The following TRIM2 variants were observed in gnomAD, a reference collection of about 807,000 sequenced individuals.
The protein encoded by TRIM2 is tripartite motif containing 2.
In TRIM2, 20 loss-of-function variants were observed where a neutral mutation model predicts 75.2. The ratio of observed to expected loss-of-function variants is 0.27; its 90% CI spans 0.19 to 0.39. The LOEUF is 0.39. Among genes scored for constraint, TRIM2 ranks in the 10% least tolerant of loss-of-function variants. The pLI, the probability that TRIM2 is intolerant of heterozygous loss-of-function variation, is 1.00. For synonymous variants in TRIM2, 373 were observed against 388.3 expected (o/e 0.96, Z 0.46); for missense variants, 660 against 990.8 (o/e 0.67, Z 4.48).
chr4:153,163,493 ATCTTTTT>A (rs1729955604), intron 1 of TRIM2, among the ~76,000 whole-genome samples: 2 of 80,882 alleles, frequency 2.5e-5, no homozygotes, highest in Admixed American at 2.6e-4. Flanking sequence ...CTAGATTTAC[ATCTTTTT>A]TTTTTTTTTT....
At chr4:153,257,363 C>T in intron 1 of TRIM2, 2 of 1,103,046 alleles carry the variant, frequency 1.8e-6, no homozygotes, top group Non-Finnish European at 2.2e-6. Flanking sequence ...TAATCCCTTG[C>T]CTGGTTTGCT....
rs1762563699 is a variant in TRIM2 at position 153,295,345 on chromosome 4, G to C, written c.819G>C (p.Gln273His). Residue 273 changes from glutamine to histidine, a missense_variant, in exon 6 of 12, where the codon CAG (glutamine) becomes CAC (histidine). Around this residue, in one of 2 missense-constraint regions of TRIM2, gnomAD observed 620 missense variants for 891.0 expected, o/e 0.70. Transcript: ENST00000338700. The surrounding 1 kb of genome is among the most constrained non-coding windows in gnomAD (Gnocchi z 7.2). ...VLQSQLDTLLQGQESIKSCSN... is the reference protein window; with the variant it reads ...VLQSQLDTLLHGQESIKSCSN... ...AGTCGCAGCTGGATACTCTGCTCCA[G>C]GGGCAGGAGAGCATTAAGAGCTGCA... The C allele has an allele frequency of 6.2e-7, 1 of 1,610,780 alleles. No homozygotes were observed. Among genetic ancestry groups the C allele is most frequent in the South Asian group, 1.1e-5 (1 of 90,498 alleles).
At chr4:153,208,624 G>A (rs994591278) in intron 1 of TRIM2, among the ~76,000 whole-genome samples, 1 of 151,958 alleles carries the variant, frequency 6.6e-6, no homozygotes, top group Non-Finnish European at 1.5e-5. Context: ...AGTGACCTTG[G>A]GCAAGTCACT....
chr4:153,246,249 A>G (rs1040465233), intron 1 of TRIM2, among the ~76,000 whole-genome samples: 3 of 152,154 alleles, frequency 2.0e-5, no homozygotes, highest in African/African-American at 7.2e-5. Flanking sequence ...AAAAAGTAAA[A>G]AGTATCTCTT....
Position 153,322,662 on chromosome 4 carries a change from A to G in TRIM2, c.1797A>G (p.Ser599=), listed in dbSNP as rs747232462. The change falls in exon 9 of 12, where the codon TCA becomes TCG. Residue 599 remains serine, a synonymous_variant. Transcript: ENST00000338700. The part of the protein sequence containing the change: ...SDGKFKTKIG[S]GKLMGPKGVS... ...GTTTCAAACAGACAAAAATTGGATC[A>G]GGAAAGCTGATGGGACCCAAAGGAG... 7.4e-6 allele frequency: 12 copies of G among 1,613,644 alleles called. No homozygotes were observed. The Admixed American group carries it at 1.3e-4, about 18-fold the overall frequency.
intron 1 of TRIM2, among the ~76,000 whole-genome samples, chr4:153,164,986 T>G (rs1393583770): frequency 2.0e-5 from 3 of 152,188 alleles, no homozygotes; most frequent in Admixed American, 2.0e-4. Context: ...GGGTTTATTG[T>G]TAGTCTTCTT....
intron 1 of TRIM2, among the ~76,000 whole-genome samples, chr4:153,171,327 T>TA (rs1244956567): frequency 6.6e-6 from 1 of 152,222 alleles, no homozygotes; most frequent in Non-Finnish European, 1.5e-5. Flanking sequence ...GACTCACACC[T>TA]GTAATCCCAG....
At chr4:153,257,516 A>AT in intron 1 of TRIM2, 1 of 1,279,000 alleles carries the variant, frequency 7.8e-7, no homozygotes, top group Non-Finnish European at 1.0e-6. Context: ...CATTTCCTCC[A>AT]TTTTTCTCTT....
At chr4:153,292,647 C>T (rs544457709) in intron 3 of TRIM2, among the ~76,000 whole-genome samples, 1 of 152,306 alleles carries the variant, frequency 6.6e-6, no homozygotes, top group East Asian at 1.9e-4. Context: ...TACACGAAAG[C>T]TCTTTTGGAG....
intron 1 of TRIM2, among the ~76,000 whole-genome samples, chr4:153,206,916 C>T (rs529458074): frequency 3.3e-5 from 5 of 152,066 alleles, no homozygotes; most frequent in African/African-American, 7.2e-5. Context: ...GGTCTTGCTC[C>T]GTCACCCAGG....
upstream of TRIM2, among the ~76,000 whole-genome samples, chr4:153,200,968 G>T (rs753899725): frequency 2.7e-5 from 4 of 150,720 alleles, no homozygotes; most frequent in Non-Finnish European, 5.9e-5. Context: ...GGTTTTTTGG[G>T]TTTTTTTTCT....
At chr4:153,284,606 A>G (rs879634964) in intron 3 of TRIM2, among the ~76,000 whole-genome samples, 3 of 152,158 alleles carry the variant, frequency 2.0e-5, no homozygotes, top group Non-Finnish European at 4.4e-5. Context: ...CCTTATTATT[A>G]TTTGACTTTT....
chr4:153,281,181 C>T (rs1759256898), intron 3 of TRIM2, among the ~76,000 whole-genome samples: 2 of 152,178 alleles, frequency 1.3e-5, no homozygotes, highest in African/African-American at 4.8e-5. Context: ...GTAACCAGCG[C>T]TCTTGAGAGT....
chr4:153,211,546 G>A (rs12504995), intron 1 of TRIM2, among the ~76,000 whole-genome samples: 2 of 148,500 alleles, frequency 1.3e-5, no homozygotes, highest in Admixed American at 6.7e-5. Flanking sequence ...GGAGTGCAGT[G>A]GTGCAATCAT....
Position 153,322,832 on chromosome 4 carries a change from A to G in TRIM2, c.1951+16A>G. 1 of 1,613,974 alleles carries G rather than the reference A, an allele frequency of 6.2e-7. No homozygotes were observed. Among genetic ancestry groups the G allele is most frequent in the Non-Finnish European group, 8.5e-7 (1 of 1,179,956 alleles). On this transcript the variant is annotated intron_variant, in intron 9 of 11. Coordinates refer to ENST00000338700, the MANE Select transcript of TRIM2 (RefSeq NM_015271.5). ...CAGTTTGCAGGTACACTCGATGGTA[A>G]TATGTAAACCCCCTTTTTTATGCTT...
rs75874279 is a variant in TRIM2, at chr4:153,310,993, T to C, written c.1511-4492T>C. Among the ~76,000 whole-genome samples, 166 of 152,304 alleles carry C rather than the reference T, an allele frequency of 1.1e-3. 3 individuals are homozygous for C. The East Asian group carries it at 0.023, about 21-fold the overall frequency. The stretch of plus-strand genomic sequence containing the variant: ...ATGGAACCTCTTTCCAGCAGTGTGG[T>C]CTTTTGCAACACAGTCCATTGCTCT... On this transcript the variant is annotated intron_variant, in intron 6 of 11. Transcript: ENST00000338700.
intron 6 of TRIM2, among the ~76,000 whole-genome samples, chr4:153,300,324 C>T (rs912581297): frequency 1.3e-5 from 2 of 151,768 alleles, no homozygotes; most frequent in Non-Finnish European, 2.9e-5. Flanking sequence ...GATCATGGCT[C>T]GTTTCCCCAG....
intron 1 of TRIM2, among the ~76,000 whole-genome samples, chr4:153,215,006 C>T (rs927867573): frequency 6.6e-6 from 1 of 152,154 alleles, no homozygotes; most frequent in Non-Finnish European, 1.5e-5. Context: ...ATATACTAGC[C>T]TCACTTAGCA....
intron 1 of TRIM2, among the ~76,000 whole-genome samples, chr4:153,270,059 G>A (rs1007445961): frequency 3.9e-5 from 6 of 152,080 alleles, no homozygotes; most frequent in African/African-American, 1.2e-4. Flanking sequence ...CTCCTGAGTA[G>A]CTGAGGCAAC....
Sources: allele counts gnomAD v4.1 joint callset (sites outside exome capture counted in the v4.1 genomes callset), GRCh38; gene constraint gnomAD v4.1.1; regional missense constraint gnomAD v4.1.1; non-coding constraint Gnocchi (gnomAD v3.1); transcripts MANE v1.5; gene names NCBI Gene and HGNC (gene_info 2026-07-23, HGNC 2026-07-21).